The following CNTNAP4 variants were observed in gnomAD, a reference collection of about 807,000 sequenced individuals.
CNTNAP4 encodes contactin-associated protein-like 4.
A neutral mutation model predicts 148.4 loss-of-function variants in CNTNAP4; 98 were observed. The observed-to-expected ratio is 0.66, with a 90% CI of 0.56 to 0.78. The LOEUF (loss-of-function observed/expected upper bound fraction) is 0.78, where lower values mean the gene tolerates loss of function less well. Among genes scored for constraint, CNTNAP4 ranks in the 30% least tolerant of loss-of-function variants. The probability of loss-of-function intolerance (pLI) is 0.00; values close to 1 mark genes in which losing one functional copy is unlikely to be tolerated. For synonymous variants in CNTNAP4, 730 were observed against 565.1 expected (o/e 1.29, Z -4.14); for missense variants, 1,935 against 1,565.6 (o/e 1.24, Z -3.98).
At chr16:76,395,504 T>C (rs2078170230) in intron 3 of CNTNAP4, among the ~76,000 whole-genome samples, 2 of 152,094 alleles carry the variant, frequency 1.3e-5, no homozygotes, top group South Asian at 4.2e-4. Context: ...GACCTTGTGA[T>C]CCACCTGCCT....
chr16:76,349,586 A>G (rs1243501161), intron 2 of CNTNAP4, among the ~76,000 whole-genome samples: 3 of 152,176 alleles, frequency 2.0e-5, no homozygotes, highest in Admixed American at 2.0e-4. Flanking sequence ...ATTTTATGTC[A>G]AGATGAAAAT....
chr16:76,296,739 C>T (rs1422117188), intron 1 of CNTNAP4, among the ~76,000 whole-genome samples: 1 of 151,926 alleles, frequency 6.6e-6, no homozygotes, highest in African/African-American at 2.4e-5. Context: ...AATTTGAATC[C>T]AGTATTTTTG....
chr16:76,292,862 T>A lies in CNTNAP4; in HGVS notation c.85+15115T>A, dbSNP rs371535439. The stretch of plus-strand genomic sequence containing the variant: ...AACACTTCAGATTTAGAATTTTGAA[T>A]GAGAAGTCTGTTTCCATTGCTAAAC... On this transcript the variant is annotated intron_variant, in intron 1 of 23. Coordinates refer to ENST00000611870, the MANE Select transcript of CNTNAP4 (RefSeq NM_033401.5). Among the ~76,000 whole-genome samples, 76 of 152,366 alleles carry A rather than the reference T, an allele frequency of 5.0e-4. No homozygotes were observed. In the South Asian group the frequency reaches 8.1e-3, roughly 16 times the overall value.
chr16:76,445,109 T>G (rs1201595885), intron 4 of CNTNAP4, among the ~76,000 whole-genome samples: 3 of 152,140 alleles, frequency 2.0e-5, no homozygotes, highest in African/African-American at 7.2e-5. Flanking sequence ...AAATTAAGTG[T>G]TCCAAGAGTA....
intron 2 of CNTNAP4, among the ~76,000 whole-genome samples, chr16:76,341,633 T>A (rs1964476770): frequency 6.6e-6 from 1 of 152,174 alleles, no homozygotes; most frequent in African/African-American, 2.4e-5. Flanking sequence ...GTTTAACAAA[T>A]CTATAGGGCA....
chr16:76,558,960 T>G lies in CNTNAP4; in HGVS notation c.*277T>G, dbSNP rs1394476189. On this transcript the variant is annotated 3_prime_UTR_variant, in exon 24 of 24. Transcript: ENST00000611870. Reference sequence around the variant, plus strand: ...AGTTTAACCTGCTTAATGGCTACAGTTTTTACATGTGAAAACTGTAGCCTT... The same window carrying G: ...AGTTTAACCTGCTTAATGGCTACAGGTTTTACATGTGAAAACTGTAGCCTT... 1 of 228,948 alleles carries G rather than the reference T, an allele frequency of 4.4e-6. No individual in the cohort carries two copies. Among genetic ancestry groups the G allele is most frequent in the Non-Finnish European group, 8.4e-6 (1 of 118,908 alleles). The allele number at this position is 228,948 out of a possible 1,614,324, so 14.2% of individuals were successfully genotyped here.
chr16:76,375,524 C>T (rs965619104), intron 3 of CNTNAP4, among the ~76,000 whole-genome samples: 1 of 152,128 alleles, frequency 6.6e-6, no homozygotes, highest in Non-Finnish European at 1.5e-5. Context: ...GAAAGCTGTG[C>T]GACTTTTCAC....
chr16:76,364,975 C>G (rs935300055), intron 3 of CNTNAP4, among the ~76,000 whole-genome samples: 1 of 152,044 alleles, frequency 6.6e-6, no homozygotes, highest in African/African-American at 2.4e-5. Context: ...ATGGTATTGC[C>G]TAGGTTTTCT....
chr16:76,369,372 A>G (rs1243583570), intron 3 of CNTNAP4, among the ~76,000 whole-genome samples: 1 of 152,202 alleles, frequency 6.6e-6, no homozygotes, highest in East Asian at 1.9e-4. Flanking sequence ...AATGGAACCA[A>G]GTATATACAT....
intron 3 of CNTNAP4, among the ~76,000 whole-genome samples, chr16:76,388,052 T>G (rs1343397787): frequency 2.6e-5 from 4 of 152,234 alleles, no homozygotes; most frequent in Non-Finnish European, 4.4e-5. Flanking sequence ...ACTCAAGGGT[T>G]TTGTATTTTA....
chr16:76,492,015 C>A (rs2082241524), intron 13 of CNTNAP4, among the ~76,000 whole-genome samples: 1 of 152,064 alleles, frequency 6.6e-6, no homozygotes, highest in South Asian at 2.1e-4. Context: ...AAGTCAGAAA[C>A]AGAAAGACAA....
At chr16:76,285,142 A>G (rs1958830070) in intron 1 of CNTNAP4, among the ~76,000 whole-genome samples, 2 of 152,112 alleles carry the variant, frequency 1.3e-5, no homozygotes, top group East Asian at 3.9e-4. Flanking sequence ...TGGAAGAGGA[A>G]GTGGATATGC....
chr16:76,539,804 A>C lies in CNTNAP4; in HGVS notation c.3306A>C (p.Gln1102His). ...ATTTTAAAAACATGGCTGATGGACA[A>C]CTTCACCACATAATGATTAACAGAG... ...NFDFKNMADGQLHHIMINREE... is the reference protein window; with the variant it reads ...NFDFKNMADGHLHHIMINREE... The change falls in exon 20 of 24, where the codon CAA becomes CAC. Residue 1102 changes from glutamine to histidine, a missense_variant. Coordinates refer to ENST00000611870, the MANE Select transcript of CNTNAP4 (RefSeq NM_033401.5). 6.2e-7 allele frequency: 1 copy of C among 1,603,414 alleles called. No individual in the cohort carries two copies. The highest frequency in any genetic ancestry group is 8.5e-7 in the Non-Finnish European group (1 of 1,175,142).
chr16:76,293,786 GAGGTGCAAAT>G (rs1959177853), intron 1 of CNTNAP4, among the ~76,000 whole-genome samples: 1 of 149,768 alleles, frequency 6.7e-6, no homozygotes, highest in South Asian at 2.1e-4. Flanking sequence ...GCTGATCTTA[GAGGTGCAAAT>G]CATGGCATCT....
intron 2 of CNTNAP4, among the ~76,000 whole-genome samples, chr16:76,346,107 T>C (rs1382469714): frequency 2.0e-5 from 3 of 152,130 alleles, no homozygotes; most frequent in Non-Finnish European, 4.4e-5. Flanking sequence ...CTATAAGATA[T>C]GTGTATTCAA....
At chr16:76,464,169 T>C (rs1271275028) in intron 9 of CNTNAP4, among the ~76,000 whole-genome samples, 1 of 152,174 alleles carries the variant, frequency 6.6e-6, no homozygotes. Flanking sequence ...AGGCGATCCA[T>C]CTTCCAAGAA....
chr16:76,494,918 C>T lies in CNTNAP4; in HGVS notation c.2089C>T (p.Pro697Ser), dbSNP rs770173705. ...TCACGTTTTTCTTTCAGATGGAACCCCTCTGAGTTGGTGGGTAGGAAGAAC... is the reference window on the plus strand; with the variant it reads ...TCACGTTTTTCTTTCAGATGGAACCTCTCTGAGTTGGTGGGTAGGAAGAAC... The part of the protein sequence containing the change: ...SRLVNKQDGT[P>S]LSWWVGRTNE... The change falls in exon 14 of 24, where the codon CCT (proline) becomes TCT (serine). Residue 697 changes from proline to serine, a missense_variant. Coordinates refer to ENST00000611870, the MANE Select transcript of CNTNAP4 (RefSeq NM_033401.5). The T allele has an allele frequency of 6.2e-7, 1 of 1,612,698 alleles. No individual in the cohort carries two copies. The highest frequency in any genetic ancestry group is 1.1e-5 in the South Asian group (1 of 90,966).
chr16:76,333,710 A>G (rs1323995752), intron 2 of CNTNAP4, among the ~76,000 whole-genome samples: 2 of 149,246 alleles, frequency 1.3e-5, no homozygotes, highest in Non-Finnish European at 3.0e-5. Context: ...ATTACAGTGT[A>G]CTAACTCAAA....
intron 2 of CNTNAP4, among the ~76,000 whole-genome samples, chr16:76,332,681 A>G (rs1963644855): frequency 6.6e-6 from 1 of 151,798 alleles, no homozygotes; most frequent in Non-Finnish European, 1.5e-5. Flanking sequence ...GATAAACTTG[A>G]TGGTTTTCCA....
Sources: gnomAD v4.1 joint callset for allele counts (sites outside exome capture counted in the v4.1 genomes callset) on GRCh38, gnomAD v4.1.1 for gene constraint, MANE v1.5 for transcripts, NCBI Gene and HGNC (gene_info 2026-07-23, HGNC 2026-07-21) for gene names.